The following CALD1 variants were observed in gnomAD, a reference collection of about 807,000 sequenced individuals.
CALD1 encodes caldesmon.
Under a neutral mutation model 99.9 loss-of-function variants are expected in CALD1, and 33 were observed. The ratio of observed to expected loss-of-function variants is 0.33; its 90% CI spans 0.25 to 0.44. The LOEUF (loss-of-function observed/expected upper bound fraction) is 0.44. CALD1 is among the 20% of genes least tolerant of loss of function. CALD1 has a pLI of 1.00. For synonymous variants in CALD1, 310 were observed against 325.0 expected, an observed-to-expected ratio of 0.95 and a Z score of 0.50; for missense variants, 861 against 962.1, an observed-to-expected ratio of 0.89 and a Z score of 1.39.
chr7:134,947,499 C>T lies in CALD1; in HGVS notation c.1533-9C>T, dbSNP rs1806982208. 7.0e-6 allele frequency: 11 copies of T among 1,565,898 alleles called. No homozygotes were observed. The highest frequency in any genetic ancestry group is 9.5e-6 in the Non-Finnish European group (11 of 1,154,990). Reference sequence around the variant, plus strand: ...ATGTAAACCCCTTTCCATTGCCCCCCAACCACAGCCGCCCTGGAGGGAGGG... The same window carrying T: ...ATGTAAACCCCTTTCCATTGCCCCCTAACCACAGCCGCCCTGGAGGGAGGG... On this transcript the variant is annotated splice_polypyrimidine_tract_variant and intron_variant, in intron 7 of 14. Transcript: ENST00000361675.
chr7:134,773,882 T>C (rs1215951160), intron 1 of CALD1, among the ~76,000 whole-genome samples: 1 of 151,170 alleles, frequency 6.6e-6, no homozygotes. Context: ...TATTTAAGAG[T>C]GAGGTAGGCC....
At chr7:134,953,698 T>C (rs1807552723) in intron 9 of CALD1, among the ~76,000 whole-genome samples, 1 of 130,836 alleles carries the variant, frequency 7.6e-6, no homozygotes, top group Non-Finnish European at 1.6e-5. Flanking sequence ...AACTACAACC[T>C]ACCCTACCCT....
intron 1 of CALD1, among the ~76,000 whole-genome samples, chr7:134,755,829 C>T (rs1796722479): frequency 6.6e-6 from 1 of 152,144 alleles, no homozygotes; most frequent in Non-Finnish European, 1.5e-5. Context: ...GATAATCTTT[C>T]CTACCCAAAG....
In CALD1 at chr7:134,957,765, A is replaced by G. The variant is rs184159124; in HGVS notation, c.1936-304A>G. On this transcript the variant is annotated intron_variant, in intron 9 of 14. Transcript: ENST00000361675. ...TTTAATTATTTTGCCACTGATTTAT[A>G]TTGTTTTAGAGGCATTTTTATTCCA... is the stretch of plus-strand genomic sequence containing the variant. Among the ~76,000 whole-genome samples, 14 of 151,784 alleles carry G rather than the reference A, an allele frequency of 9.2e-5. 1 individual carries two copies. Among genetic ancestry groups the G allele is most frequent in the Admixed American group, 4.6e-4 (7 of 15,242 alleles).
chr7:134,917,330 G>A (rs1324067759), intron 3 of CALD1, among the ~76,000 whole-genome samples: 3 of 152,092 alleles, frequency 2.0e-5, no homozygotes, highest in Non-Finnish European at 4.4e-5. Flanking sequence ...AGTTCACTGA[G>A]GATCATATTT....
intron 3 of CALD1, among the ~76,000 whole-genome samples, chr7:134,911,511 C>A (rs1051509527): frequency 2.4e-4 from 36 of 150,704 alleles, no homozygotes; most frequent in African/African-American, 8.1e-4. Context: ...ATAAGCCTAG[C>A]ATAGAATTGT....
intron 1 of CALD1, among the ~76,000 whole-genome samples, chr7:134,833,712 G>A (rs4732059): frequency 0.82 from 124,133 of 152,184 alleles, 50,899 homozygotes; most frequent in East Asian, 0.99. Context: ...GGATACAGAA[G>A]TGAATATGAC....
At chr7:134,857,229 C>T (rs988730746) in intron 2 of CALD1, among the ~76,000 whole-genome samples, 2 of 131,796 alleles carry the variant, frequency 1.5e-5, no homozygotes, top group Non-Finnish European at 3.1e-5. Flanking sequence ...AGTGCAGTGG[C>T]GCGATCTCGG....
intron 3 of CALD1, among the ~76,000 whole-genome samples, chr7:134,882,520 A>T (rs1162075363): frequency 6.6e-6 from 1 of 152,222 alleles, no homozygotes; most frequent in Non-Finnish European, 1.5e-5. Flanking sequence ...TAGTATCTGC[A>T]TTATAAATCA....
Position 134,968,713 on chromosome 7 carries a change from C to T in CALD1, c.*368C>T, listed in dbSNP as rs932552191. The T allele has an allele frequency of 2.5e-5, 9 of 356,858 alleles. No individual in the cohort carries two copies. The highest frequency in any genetic ancestry group is 1.0e-4 in the African/African-American group (5 of 48,694). 22.1% of individuals were successfully genotyped at this position (356,858 alleles called of 1,614,324 possible). ...GTGTGCAGTATCTAGAAAAATGAAC[C>T]GTAGTTTTTGTTTTTTTAAATACAG... On this transcript the variant is annotated 3_prime_UTR_variant, in exon 15 of 15. Transcript: ENST00000361675.
chr7:134,754,619 C>T (rs1264957034), intron 1 of CALD1, among the ~76,000 whole-genome samples: 1 of 152,146 alleles, frequency 6.6e-6, no homozygotes, highest in Non-Finnish European at 1.5e-5. Context: ...TATGATATTG[C>T]TTCATGTGTG....
chr7:134,931,171 A>G (rs1805495746), intron 4 of CALD1, among the ~76,000 whole-genome samples: 3 of 152,214 alleles, frequency 2.0e-5, no homozygotes, highest in Admixed American at 2.0e-4. Flanking sequence ...CACAAGAAGA[A>G]TAAGTCTTCT....
At chr7:134,940,337 C>T (rs555719220) in intron 6 of CALD1, among the ~76,000 whole-genome samples, 1 of 152,296 alleles carries the variant, frequency 6.6e-6, no homozygotes, top group South Asian at 2.1e-4. Flanking sequence ...TGAAAGCTAA[C>T]ACCTGCCCTC....
chr7:134,862,193 T>G (rs146440672), intron 2 of CALD1, among the ~76,000 whole-genome samples: 37 of 152,314 alleles, frequency 2.4e-4, no homozygotes, highest in East Asian at 7.7e-4. Flanking sequence ...TCACTGATAA[T>G]AGTCCTCTCA....
chr7:134,730,920 C>G, the CALD1 span, among the ~76,000 whole-genome samples: 1 of 152,088 alleles, frequency 6.6e-6, no homozygotes, highest in Admixed American at 6.5e-5. Flanking sequence ...CCCCACCTAT[C>G]CTACCTCATT....
At chr7:134,830,962 C>T (rs1042192823) in intron 1 of CALD1, among the ~76,000 whole-genome samples, 5 of 152,070 alleles carry the variant, frequency 3.3e-5, no homozygotes, top group Admixed American at 2.6e-4. Context: ...TGATAGAGTA[C>T]TAAGCTCTAC....
chr7:134,850,136 A>ATTTTTACTTCAT (rs1800016276), intron 2 of CALD1, among the ~76,000 whole-genome samples: 2 of 152,234 alleles, frequency 1.3e-5, no homozygotes, highest in African/African-American at 4.8e-5. Flanking sequence ...GAACATAAAC[A>ATTTTTACTTCAT]GAAGATTCAT....
chr7:134,960,301 G>T, intron 12 of CALD1, 190 bp downstream of exon 12: 1 of 710,684 alleles, frequency 1.4e-6, no homozygotes, highest in Non-Finnish European at 2.3e-6. Flanking sequence ...TACTAAGCCC[G>T]GGCCATCTTA....
chr7:134,815,859 T>C (rs1798541059), intron 1 of CALD1, among the ~76,000 whole-genome samples: 1 of 152,178 alleles, frequency 6.6e-6, no homozygotes, highest in Non-Finnish European at 1.5e-5. Context: ...ATATCTATCC[T>C]TTGAAAAACA....
Sources: gnomAD v4.1 joint callset for allele counts (sites outside exome capture counted in the v4.1 genomes callset) on GRCh38, gnomAD v4.1.1 for gene constraint, MANE v1.5 for transcripts, NCBI Gene and HGNC (gene_info 2026-07-23, HGNC 2026-07-21) for gene names.